Variants in LDAH observed in about 807,000 individuals in gnomAD.
LDAH encodes the protein lipid droplet associated hydrolase, also known as lipid droplet-associated hydrolase.
A neutral mutation model predicts 29.6 loss-of-function variants in LDAH; 26 were observed. The ratio of observed to expected loss-of-function variants is 0.88; its 90% CI spans 0.64 to 1.22. The LOEUF (loss-of-function observed/expected upper bound fraction) is 1.22, where lower values mean the gene tolerates loss of function less well. Among genes scored for constraint, LDAH ranks in the 50% most tolerant of loss-of-function variants. The pLI, the probability that LDAH is intolerant of heterozygous loss-of-function variation, is 0.00. For synonymous variants in LDAH, 117 were observed against 133.0 expected (o/e 0.88, Z 0.83); for missense variants, 344 against 387.3 (o/e 0.89, Z 0.94).
chr2:20,730,862 G>T (rs1016860828), intron 5 of LDAH, among the ~76,000 whole-genome samples: 5 of 151,966 alleles, frequency 3.3e-5, no homozygotes, highest in Non-Finnish European at 5.9e-5. Flanking sequence ...CACTTGTGTG[G>T]GTCTATTTCT....
chr2:20,716,413 T>TA (rs1239226810), intron 5 of LDAH, among the ~76,000 whole-genome samples: 1 of 152,016 alleles, frequency 6.6e-6, no homozygotes, highest in Non-Finnish European at 1.5e-5. Flanking sequence ...AAGGATGAGT[T>TA]AATGTCCTTT....
intron 1 of LDAH, among the ~76,000 whole-genome samples, chr2:20,807,565 C>T (rs903386910): frequency 6.6e-5 from 10 of 151,906 alleles, no homozygotes; most frequent in African/African-American, 2.2e-4. Context: ...GTTTAAGTTA[C>T]CACATTAACA....
downstream of LDAH, among the ~76,000 whole-genome samples, chr2:20,682,875 TAGTC>T (rs61543058): frequency 5.8e-3 from 884 of 152,270 alleles, 9 homozygotes; most frequent in African/African-American, 0.02. Flanking sequence ...ATAATGGGCA[TAGTC>T]AGAACATCAC....
At chr2:20,765,464 C>A (rs1668965977) in intron 4 of LDAH, among the ~76,000 whole-genome samples, 1 of 152,238 alleles carries the variant, frequency 6.6e-6, no homozygotes, top group African/African-American at 2.4e-5. Context: ...TTGTTACATT[C>A]AACCCTGTTA....
At chr2:20,717,502 G>A (rs1665306107) in intron 5 of LDAH, among the ~76,000 whole-genome samples, 1 of 152,184 alleles carries the variant, frequency 6.6e-6, no homozygotes, top group Non-Finnish European at 1.5e-5. Flanking sequence ...TCATGGAAAT[G>A]TAAATTCAAA....
At position 20,685,794 on chromosome 2, in the gene LDAH, T is replaced by C; in HGVS notation, c.*1109A>G. 9.7e-7 allele frequency: 1 copy of C among 1,031,848 alleles called. No homozygotes were observed. The highest frequency in any genetic ancestry group is 1.4e-6 in the Non-Finnish European group (1 of 733,234). The allele number at this position is 1,031,848 out of a possible 1,614,324, so 63.9% of individuals were successfully genotyped here. A position where few individuals can be genotyped will look rare whatever the true frequency, so the allele number is the denominator to read the frequency against. ...CAGGGAATATGTGTCTTCTCTGCCA[T>C]ACCTCAATGTGTCTAGAGAAGGTGA... is the stretch of plus-strand genomic sequence containing the variant. On this transcript the variant is annotated 3_prime_UTR_variant, in exon 7 of 7. Transcript: ENST00000237822.
intron 5 of LDAH, among the ~76,000 whole-genome samples, chr2:20,729,022 A>G (rs1421329773): frequency 2.0e-5 from 3 of 152,226 alleles, no homozygotes; most frequent in Non-Finnish European, 4.4e-5. Context: ...AATGTATTTC[A>G]TATATCAGGG....
intron 4 of LDAH, among the ~76,000 whole-genome samples, chr2:20,758,203 T>A (rs1219479397): frequency 6.6e-6 from 1 of 152,236 alleles, no homozygotes; most frequent in East Asian, 1.9e-4. Flanking sequence ...GTCAAATATA[T>A]GATCTCTGAA....
At chr2:20,819,482 G>T (rs1053428146) in intron 1 of LDAH, among the ~76,000 whole-genome samples, 1 of 152,122 alleles carries the variant, frequency 6.6e-6, no homozygotes, top group South Asian at 2.1e-4. Flanking sequence ...ATCAATAAAC[G>T]TAATCCAGCA....
At chr2:20,730,432 T>C (rs1017570670) in intron 5 of LDAH, among the ~76,000 whole-genome samples, 2 of 152,190 alleles carry the variant, frequency 1.3e-5, no homozygotes, top group Admixed American at 6.5e-5. Context: ...TCAGCAGCAA[T>C]GTATGAGTGA....
In LDAH at chr2:20,686,784, A is replaced by G; in HGVS notation, c.*119T>C. On this transcript the variant is annotated 3_prime_UTR_variant, in exon 7 of 7. Coordinates refer to ENST00000237822, the MANE Select transcript of LDAH (RefSeq NM_021925.4). ...CGAGCGGAGAGTTGGTTTGTAAGAC[A>G]AAGGTTCTCACTTTCTTCATTTCTA... 1 of 935,598 alleles carries G rather than the reference A, an allele frequency of 1.1e-6. No homozygotes were observed. The highest frequency in any genetic ancestry group is 1.6e-6 in the Non-Finnish European group (1 of 623,654). 58.0% of individuals were successfully genotyped at this position (935,598 alleles called of 1,614,324 possible). A position where few individuals can be genotyped will look rare whatever the true frequency, so the allele number is the denominator to read the frequency against.
intron 5 of LDAH, among the ~76,000 whole-genome samples, chr2:20,728,212 C>T (rs978629210): frequency 2.6e-5 from 4 of 152,150 alleles, no homozygotes; most frequent in Non-Finnish European, 5.9e-5. Flanking sequence ...TACTGAAGCA[C>T]AGACATTACA....
intron 1 of LDAH, among the ~76,000 whole-genome samples, chr2:20,816,737 T>A (rs996659071): frequency 6.6e-6 from 1 of 151,964 alleles, no homozygotes; most frequent in Non-Finnish European, 1.5e-5. Flanking sequence ...ATAACTGACA[T>A]GTATAGAACA....
At chr2:20,743,054 C>T (rs529949256) in intron 4 of LDAH, among the ~76,000 whole-genome samples, 12 of 152,140 alleles carry the variant, frequency 7.9e-5, no homozygotes, top group African/African-American at 2.9e-4. Flanking sequence ...TGAGCCACCA[C>T]ACCAGGCCTA....
intron 5 of LDAH, among the ~76,000 whole-genome samples, chr2:20,725,544 A>G (rs13410359): frequency 0.15 from 22,403 of 152,138 alleles, 2,808 homozygotes; most frequent in African/African-American, 0.34. Context: ...TCTGAGATTA[A>G]GTCCATGGAT....
intron 3 of LDAH, among the ~76,000 whole-genome samples, chr2:20,785,314 C>A (rs980230882): frequency 1.3e-5 from 2 of 152,184 alleles, no homozygotes; most frequent in African/African-American, 4.8e-5. Context: ...GATGATTTCA[C>A]TAGATAGAGA....
intron 3 of LDAH, among the ~76,000 whole-genome samples, chr2:20,789,986 T>C (rs137951175): frequency 1.3e-5 from 2 of 152,140 alleles, no homozygotes; most frequent in African/African-American, 4.8e-5. Flanking sequence ...CCTGGAAAAA[T>C]AATACATGAT....
intron 5 of LDAH, among the ~76,000 whole-genome samples, chr2:20,704,705 C>T (rs1664184065): frequency 6.6e-6 from 1 of 152,202 alleles, no homozygotes; most frequent in South Asian, 2.1e-4. Context: ...TCTCCTCTCA[C>T]TTCCCTGCCT....
chr2:20,690,643 C>T (rs1315664218), intron 6 of LDAH, among the ~76,000 whole-genome samples: 3 of 152,028 alleles, frequency 2.0e-5, no homozygotes, highest in Non-Finnish European at 4.4e-5. Flanking sequence ...TCCGCACCTG[C>T]AGCCCTGAAC....
Sources: gnomAD v4.1 joint callset for allele counts (sites outside exome capture counted in the v4.1 genomes callset) on GRCh38, gnomAD v4.1.1 for gene constraint, MANE v1.5 for transcripts, NCBI Gene and HGNC (gene_info 2026-07-23, HGNC 2026-07-21) for gene names.